MAGI2: variants seen among roughly 807,000 people sequenced by gnomAD.
MAGI2 encodes the protein membrane-associated guanylate kinase, WW and PDZ domain-containing protein 2.
Under a neutral mutation model 133.3 loss-of-function variants are expected in MAGI2, and 35 were observed. That is an observed-to-expected ratio of 0.26 (90% confidence interval 0.20 to 0.35). The LOEUF (loss-of-function observed/expected upper bound fraction) is 0.35. Among genes scored for constraint, MAGI2 ranks in the 10% least tolerant of loss-of-function variants. MAGI2 has a pLI of 1.00. For missense variants in MAGI2, 1,636 were observed against 1,863.4 expected (o/e 0.88, Z 2.25); for synonymous variants, 729 against 710.6 (o/e 1.03, Z -0.41).
At chr7:79,153,652 A>T (rs1040726259) in intron 1 of MAGI2, among the ~76,000 whole-genome samples, 3 of 152,182 alleles carry the variant, frequency 2.0e-5, no homozygotes, top group African/African-American at 7.2e-5. Flanking sequence ...TATGGCTAGG[A>T]GTGAGGTCAG....
At chr7:78,592,736 G>C (rs920080991) in intron 3 of MAGI2, among the ~76,000 whole-genome samples, 2 of 151,800 alleles carry the variant, frequency 1.3e-5, no homozygotes. Context: ...ATGATTTGGA[G>C]ACCTGGGAAA....
At chr7:78,258,934 C>G (rs1793263307) in intron 9 of MAGI2, among the ~76,000 whole-genome samples, 1 of 152,168 alleles carries the variant, frequency 6.6e-6, no homozygotes, top group Admixed American at 6.6e-5. Context: ...GCATCTTCAA[C>G]TTTGTTAGAT....
intron 1 of MAGI2, among the ~76,000 whole-genome samples, chr7:79,232,117 C>A (rs1482040689): frequency 6.6e-6 from 1 of 152,144 alleles, no homozygotes; most frequent in African/African-American, 2.4e-5. Context: ...GTATATTGAA[C>A]CAGCCTTGCA....
chr7:78,231,067 T>C (rs575123268), intron 10 of MAGI2, among the ~76,000 whole-genome samples: 11 of 152,312 alleles, frequency 7.2e-5, no homozygotes, highest in African/African-American at 2.6e-4. Context: ...ATGGAAACTT[T>C]AATTGGAATA....
chr7:79,016,489 G>T (rs1808748040), intron 1 of MAGI2, among the ~76,000 whole-genome samples: 1 of 152,086 alleles, frequency 6.6e-6, no homozygotes, highest in South Asian at 2.1e-4. Context: ...CCAATAGAGT[G>T]TCCCTGCAAA....
At chr7:78,160,368 G>A (rs1483152195) in intron 15 of MAGI2, 95 bp from the exon 16 acceptor site, 1 of 1,267,732 alleles carries the variant, frequency 7.9e-7, no homozygotes, top group East Asian at 2.7e-5. Flanking sequence ...CAGTGGTATT[G>A]TTACAAGACT....
At chr7:79,126,574 G>C (rs1820423983) in intron 1 of MAGI2, among the ~76,000 whole-genome samples, 1 of 152,100 alleles carries the variant, frequency 6.6e-6, no homozygotes, top group Non-Finnish European at 1.5e-5. Context: ...CCTGGATCTA[G>C]ATATGCCTGA....
At chr7:78,424,351 A>G (rs1037416745) in intron 6 of MAGI2, among the ~76,000 whole-genome samples, 13 of 152,168 alleles carry the variant, frequency 8.5e-5, no homozygotes, top group Admixed American at 2.0e-4. Flanking sequence ...TTCAGAAGAT[A>G]TATGGAAATG....
At chr7:78,346,829 A>G (rs1417867406) in intron 7 of MAGI2, among the ~76,000 whole-genome samples, 1 of 152,214 alleles carries the variant, frequency 6.6e-6, no homozygotes, top group Non-Finnish European at 1.5e-5. Context: ...TCTCTAGGAT[A>G]TAAACATCCC....
At chr7:78,610,385 T>G (rs1161650295) in intron 3 of MAGI2, among the ~76,000 whole-genome samples, 1 of 152,148 alleles carries the variant, frequency 6.6e-6, no homozygotes, top group East Asian at 1.9e-4. Context: ...CACTACATAG[T>G]ATAGTGCTGG....
intron 6 of MAGI2, among the ~76,000 whole-genome samples, chr7:78,443,482 A>T (rs777308715): frequency 2.0e-5 from 3 of 152,200 alleles, no homozygotes; most frequent in Non-Finnish European, 2.9e-5. Context: ...CAGGCTTTAA[A>T]AATGTGCCTG....
At chr7:79,322,913 G>C (rs898465933) in intron 1 of MAGI2, among the ~76,000 whole-genome samples, 12 of 152,086 alleles carry the variant, frequency 7.9e-5, no homozygotes, top group Non-Finnish European at 1.5e-5. Flanking sequence ...TGCAGTTCAG[G>C]CTGGAGCCTC....
At chr7:78,164,151 G>C (rs1258860539) in intron 15 of MAGI2, among the ~76,000 whole-genome samples, 1 of 152,122 alleles carries the variant, frequency 6.6e-6, no homozygotes, top group Non-Finnish European at 1.5e-5. Flanking sequence ...GAAGGAACTT[G>C]TTCAACTGGA....
At chr7:78,489,867 C>A in intron 5 of MAGI2, 27 bp from the exon 6 acceptor site, 1 of 1,533,392 alleles carries the variant, frequency 6.5e-7, no homozygotes, top group Non-Finnish European at 9.0e-7. Flanking sequence ...TCACTCTGAA[C>A]AGACACATAC....
At chr7:78,301,128 C>T (rs749934384) in intron 9 of MAGI2, among the ~76,000 whole-genome samples, 25 of 152,126 alleles carry the variant, frequency 1.6e-4, no homozygotes, top group Non-Finnish European at 2.5e-4. Flanking sequence ...CATTTAATGA[C>T]CATGTCATGC....
intron 3 of MAGI2, among the ~76,000 whole-genome samples, chr7:78,525,853 C>T (rs563825689): frequency 3.9e-5 from 6 of 152,216 alleles, no homozygotes; most frequent in African/African-American, 1.4e-4. Context: ...ACCTGCACAC[C>T]GTCATGGGCA....
chr7:78,510,387 A>G (rs1461886050), intron 4 of MAGI2, among the ~76,000 whole-genome samples: 1 of 152,190 alleles, frequency 6.6e-6, no homozygotes, highest in Admixed American at 6.5e-5. Flanking sequence ...TTAGAGTAGT[A>G]AACTGCTAGA....
At chr7:79,052,246 C>T (rs998785928) in intron 1 of MAGI2, among the ~76,000 whole-genome samples, 3 of 152,186 alleles carry the variant, frequency 2.0e-5, no homozygotes, top group African/African-American at 4.8e-5. Context: ...GGACATTCGA[C>T]AGGAGCATGG....
rs149287075 is a variant in MAGI2, at chr7:79,336,788, T to C, written c.301+116232A>G. Among the ~76,000 whole-genome samples the C allele has an allele frequency of 1.9e-3, 290 of 152,228 alleles. 1 individual carries two copies. The highest frequency in any genetic ancestry group is 6.7e-3 in the African/African-American group (277 of 41,554). The stretch of plus-strand genomic sequence containing the variant: ...GTTTTGGCAAATGGCAGGATCTCCT[T>C]TTTAAAGGCTGAATAAAAATACAGA... On this transcript the variant is annotated intron_variant, in intron 1 of 21. Coordinates refer to ENST00000354212, the MANE Select transcript of MAGI2 (RefSeq NM_012301.4).
Sources: allele counts gnomAD v4.1 joint callset (sites outside exome capture counted in the v4.1 genomes callset), GRCh38; gene constraint gnomAD v4.1.1; transcripts MANE v1.5; gene names NCBI Gene and HGNC (gene_info 2026-07-23, HGNC 2026-07-21).